BLVRB: variants seen among roughly 807,000 people sequenced by gnomAD.
The protein encoded by BLVRB is flavin reductase (NADPH).
In BLVRB, 25 loss-of-function variants were observed where a neutral mutation model predicts 21.1. That is an observed-to-expected ratio of 1.19 (90% CI 0.86 to 1.66). The LOEUF is 1.66. BLVRB is among the 40% of genes most tolerant of loss of function. The pLI is 0.00. For synonymous variants in BLVRB, 128 were observed against 122.2 expected (o/e 1.05, Z -0.31); for missense variants, 274 against 282.7 (o/e 0.97, Z 0.22).
chr19:40,454,847 TTTG>T (rs2079756091), intron 3 of BLVRB, among the ~76,000 whole-genome samples: 1 of 146,022 alleles, frequency 6.8e-6, no homozygotes, highest in Non-Finnish European at 1.5e-5. Flanking sequence ...ACCCGGCTGT[TTTG>T]TTGTGTTTTG....
chr19:40,464,216 G>A (rs1295376620), intron 1 of BLVRB, among the ~76,000 whole-genome samples: 2 of 152,024 alleles, frequency 1.3e-5, no homozygotes, highest in Non-Finnish European at 2.9e-5. Flanking sequence ...CTTCTGAGTA[G>A]CTGGGACTAC....
At chr19:40,455,096 C>T (rs2079757174) in intron 3 of BLVRB, among the ~76,000 whole-genome samples, 1 of 152,062 alleles carries the variant, frequency 6.6e-6, no homozygotes, top group Non-Finnish European at 1.5e-5. Context: ...ATCCGCCCAC[C>T]TTGGCCTCTC....
chr19:40,464,998 CT>C (rs2079804502), intron 1 of BLVRB, among the ~76,000 whole-genome samples: 1 of 152,164 alleles, frequency 6.6e-6, no homozygotes. Context: ...CCCAGGACTG[CT>C]GTCCCCAAGT....
intron 3 of BLVRB, among the ~76,000 whole-genome samples, chr19:40,454,609 G>A (rs1277950648): frequency 3.3e-5 from 5 of 149,812 alleles, no homozygotes; most frequent in African/African-American, 9.9e-5. Flanking sequence ...GCAGTGGCAC[G>A]ATCTCAGCTC....
At chr19:40,464,699 C>T (rs1407232783) in intron 1 of BLVRB, among the ~76,000 whole-genome samples, 1 of 152,210 alleles carries the variant, frequency 6.6e-6, no homozygotes, top group Non-Finnish European at 1.5e-5. Context: ...CACGTGGTCT[C>T]CCTGGGGAAG....
Position 40,448,004 on chromosome 19 carries a change from C to T in BLVRB, c.506G>A (p.Gly169Glu). The T allele has an allele frequency of 6.2e-7, 1 of 1,614,106 alleles. No individual in the cohort carries two copies. Among genetic ancestry groups the T allele is most frequent in the South Asian group, 1.1e-5 (1 of 91,086 alleles). Residue 169 changes from glycine to glutamate, a missense_variant, in exon 5 of 5, where the codon GGA becomes GAA. Transcript: ENST00000263368. ...GGAGATGACCCTTGAGGGCCCTCGT[C>T]CATCCAGGGTCACTGTGTACGCCCC... ...LTGAYTVTLD[G>E]RGPSRVISKH... is the part of the protein sequence containing the mutation.
chr19:40,464,614 C>G (rs951573554), intron 1 of BLVRB, among the ~76,000 whole-genome samples: 1 of 152,162 alleles, frequency 6.6e-6, no homozygotes, highest in East Asian at 1.9e-4. Flanking sequence ...CCATTACTCC[C>G]GAATAAATGC....
intron 4 of BLVRB, 113 bp from the exon 5 acceptor site, chr19:40,448,159 G>T (rs947524932): frequency 8.6e-7 from 1 of 1,162,390 alleles, no homozygotes; most frequent in Non-Finnish European, 1.2e-6. Flanking sequence ...AGCCTGGGTG[G>T]TGTCACAGCC....
At chr19:40,458,335 G>C in intron 2 of BLVRB, 46 bp downstream of exon 2, 1 of 1,521,446 alleles carries the variant, frequency 6.6e-7, no homozygotes, top group Non-Finnish European at 8.8e-7. Flanking sequence ...TGGCGCTGGG[G>C]GCCGAGGTGT....
intron 1 of BLVRB, among the ~76,000 whole-genome samples, chr19:40,463,654 G>A (rs1356800476): frequency 6.6e-6 from 1 of 150,496 alleles, no homozygotes; most frequent in East Asian, 2.0e-4. Context: ...CCAGGCTGGA[G>A]TGCAGTGGTG....
chr19:40,458,380 C>G lies in BLVRB; in HGVS notation c.244+1G>C, dbSNP rs146531246. On this transcript the variant is annotated splice_donor_variant, in intron 2 of 4. Coordinates refer to ENST00000263368, the MANE Select transcript of BLVRB (RefSeq NM_000713.3). LOFTEE classifies it high-confidence loss of function. ...CCGTGGGCAGAGGGGGGGCTCAGTACTGAGGTCATTGCGGGTGCCCAGCAG... is the reference window on the plus strand; with the variant it reads ...CCGTGGGCAGAGGGGGGGCTCAGTAGTGAGGTCATTGCGGGTGCCCAGCAG... 1.9e-6 allele frequency: 3 copies of G among 1,582,988 alleles called. No homozygotes were observed. Among genetic ancestry groups the G allele is most frequent in the Non-Finnish European group, 2.6e-6 (3 of 1,165,366 alleles).
intron 4 of BLVRB, among the ~76,000 whole-genome samples, chr19:40,449,949 C>G (rs1402554214): frequency 6.6e-6 from 1 of 151,968 alleles, no homozygotes; most frequent in Admixed American, 6.6e-5. Flanking sequence ...CCTGTAATCC[C>G]AGCACTTTGG....
chr19:40,448,038 G>C lies in BLVRB; in HGVS notation c.472C>G (p.Pro158Ala), dbSNP rs766322422. Residue 158 changes from proline to alanine, a missense_variant, in exon 5 of 5, where the codon CCA (proline) becomes GCA (alanine). By Grantham distance (27) the Pro-to-Ala change is conservative (BLOSUM62 -1). Coordinates refer to ENST00000263368, the MANE Select transcript of BLVRB (RefSeq NM_000713.3). ...AVMPPHIGDQ[P>A]LTGAYTVTLD... ...GTCACTGTGTACGCCCCAGTTAGTG[G>C]CTGGTCTCCTATGAAGTAAAGACAA... 6.2e-7 allele frequency: 1 copy of C among 1,612,866 alleles called. No individual in the cohort carries two copies. The highest frequency in any genetic ancestry group is 2.2e-5 in the East Asian group (1 of 44,796).
At chr19:40,452,890 C>CCA (rs2079746297) in intron 3 of BLVRB, among the ~76,000 whole-genome samples, 2 of 93,396 alleles carry the variant, frequency 2.1e-5, no homozygotes, top group African/African-American at 1.4e-4. Flanking sequence ...CAAAACAAAA[C>CCA]AAAACAAAAA....
chr19:40,454,547 C>G (rs1345853313), intron 3 of BLVRB, among the ~76,000 whole-genome samples: 1 of 151,358 alleles, frequency 6.6e-6, no homozygotes, highest in Admixed American at 6.6e-5. Flanking sequence ...CCCCTAGTTT[C>G]TTTTTTCTTT....
chr19:40,458,438 T>G lies in BLVRB; in HGVS notation c.187A>C (p.Lys63Gln), dbSNP rs777658262. Residue 63 changes from lysine (K) to glutamine (Q), a missense_variant, in exon 2 of 5, where the codon AAG (lysine) becomes CAG (glutamine). Physicochemically the swap from Lys to Gln is moderately conservative, Grantham distance 53. Transcript: ENST00000263368. Reference sequence around the variant, plus strand: ...ACAGCGTCCTGCCCAGCCACGGTCTTGTCCACATCGGCTGCCTGCAGAACA... The same window carrying G: ...ACAGCGTCCTGCCCAGCCACGGTCTGGTCCACATCGGCTGCCTGCAGAACA... ...GDVLQAADVD[K>Q]TVAGQDAVIV... 1.9e-6 allele frequency: 3 copies of G among 1,597,468 alleles called. No homozygotes were observed. Among genetic ancestry groups the G allele is most frequent in the Non-Finnish European group, 2.6e-6 (3 of 1,172,656 alleles).
At chr19:40,462,251 G>A (rs1016023136) in intron 1 of BLVRB, among the ~76,000 whole-genome samples, 1 of 151,994 alleles carries the variant, frequency 6.6e-6, no homozygotes, top group Non-Finnish European at 1.5e-5. Context: ...GGGAGCAGCA[G>A]GGGCTTGCAT....
intron 1 of BLVRB, 23 bp downstream of exon 1, chr19:40,465,587 G>T: frequency 6.2e-7 from 1 of 1,601,678 alleles, no homozygotes; most frequent in South Asian, 1.1e-5. Context: ...CCCGTGACAT[G>T]CCCCGCCCGC....
intron 1 of BLVRB, among the ~76,000 whole-genome samples, chr19:40,462,258 G>GCTCTCTGTGACTCCTTCC (rs1670400791): frequency 6.6e-6 from 1 of 151,414 alleles, no homozygotes; most frequent in African/African-American, 2.4e-5. Context: ...GCAGGGGCTT[G>GCTCTCTGTGACTCCTTCC]CATGGGCCAA....
Sources: allele counts gnomAD v4.1 joint callset (sites outside exome capture counted in the v4.1 genomes callset), GRCh38; gene constraint gnomAD v4.1.1; transcripts MANE v1.5; gene names NCBI Gene and HGNC (gene_info 2026-07-23, HGNC 2026-07-21).